PLPBP: variants seen among roughly 807,000 people sequenced by gnomAD.
The protein encoded by PLPBP is pyridoxal phosphate homeostasis protein.
Under a neutral mutation model 31.2 loss-of-function variants are expected in PLPBP, and 21 were observed. The ratio of observed to expected loss-of-function variants is 0.67; its 90% confidence interval spans 0.48 to 0.97. The LOEUF (loss-of-function observed/expected upper bound fraction) is 0.97. Ranked by LOEUF, PLPBP falls within the 50% of genes least tolerant of loss-of-function variation. PLPBP has a pLI of 0.00. For synonymous variants in PLPBP, 124 were observed against 135.6 expected (o/e 0.91, Z 0.59); for missense variants, 308 against 354.4 (o/e 0.87, Z 1.05).
intron 1 of PLPBP, among the ~76,000 whole-genome samples, chr8:37,765,093 A>C (rs1372169259): frequency 6.6e-6 from 1 of 152,070 alleles, no homozygotes; most frequent in Admixed American, 6.5e-5. Context: ...TTGCTTGATC[A>C]CTTGAACCCA....
At chr8:37,776,175 T>C (rs573380483) in intron 7 of PLPBP, among the ~76,000 whole-genome samples, 159 bp downstream of exon 7, 2 of 152,164 alleles carry the variant, frequency 1.3e-5, no homozygotes, top group Admixed American at 1.3e-4. Context: ...CCATTCCCCA[T>C]GCCCTTTCTT....
intron 4 of PLPBP, among the ~76,000 whole-genome samples, chr8:37,768,314 G>A (rs1458017410): frequency 6.6e-6 from 1 of 152,142 alleles, no homozygotes; most frequent in Non-Finnish European, 1.5e-5. Context: ...GTGTGAAGTA[G>A]TGTAACACAC....
intron 1 of PLPBP, among the ~76,000 whole-genome samples, chr8:37,764,960 C>T (rs1803582944): frequency 1.3e-5 from 2 of 152,144 alleles, no homozygotes; most frequent in African/African-American, 2.4e-5. Flanking sequence ...CACCTGAGGT[C>T]GGGAGTTCAA....
intron 3 of PLPBP, 71 bp downstream of exon 3, chr8:37,765,817 TGGTGGTTGAGTTGTACAGCAGTTTTAG>T: frequency 6.5e-7 from 1 of 1,548,082 alleles, no homozygotes; most frequent in Non-Finnish European, 8.8e-7. Context: ...AGACCCATCC[TGGTGGTTGAGTTGTACAGCAGTTTTAG>T]GGTGGTTGAC....
chr8:37,767,686 T>C (rs750404335), intron 4 of PLPBP, among the ~76,000 whole-genome samples: 1 of 152,188 alleles, frequency 6.6e-6, no homozygotes, highest in Non-Finnish European at 1.5e-5. Context: ...TCCCTTTTTC[T>C]TGGAATAAAT....
At chr8:37,770,668 C>A in intron 4 of PLPBP, among the ~76,000 whole-genome samples, 1 of 152,176 alleles carries the variant, frequency 6.6e-6, no homozygotes, top group East Asian at 1.9e-4. Flanking sequence ...ACCTCCATCT[C>A]CTGGGTTCAA....
At chr8:37,770,294 G>C (rs1222329322) in intron 4 of PLPBP, among the ~76,000 whole-genome samples, 1 of 152,148 alleles carries the variant, frequency 6.6e-6, no homozygotes, top group African/African-American at 2.4e-5. Context: ...TAGACCAATG[G>C]AACAGAATAG....
At chr8:37,775,859 C>A in intron 6 of PLPBP, 59 bp from the exon 7 acceptor site, 2 of 1,451,262 alleles carry the variant, frequency 1.4e-6, no homozygotes, top group Non-Finnish European at 1.9e-6. Context: ...CAGATTCAGA[C>A]ACTTTTGGGC....
intron 1 of PLPBP, among the ~76,000 whole-genome samples, chr8:37,763,404 G>A (rs1803536606): frequency 6.6e-6 from 1 of 152,220 alleles, no homozygotes; most frequent in South Asian, 2.1e-4. Context: ...TAAGCTGAAT[G>A]GTGTGGAATG....
intron 3 of PLPBP, 123 bp from the exon 4 acceptor site, chr8:37,766,157 A>G (rs978170087): frequency 2.7e-6 from 2 of 729,452 alleles, no homozygotes; most frequent in East Asian, 2.7e-5. Context: ...GAAGATTGTG[A>G]TAGTTTATTA....
chr8:37,778,031 A>T lies in PLPBP; in HGVS notation c.755A>T (p.Tyr252Phe). The T allele has an allele frequency of 6.2e-7, 1 of 1,613,886 alleles. No individual in the cohort carries two copies. The highest frequency in any genetic ancestry group is 2.2e-5 in the East Asian group (1 of 44,870). The change falls in exon 8 of 8, where the codon TAC becomes TTC. Residue 252 changes from tyrosine (Y) to phenylalanine (F), a missense_variant. By Grantham distance (22) the Tyr-to-Phe change is conservative. Coordinates refer to ENST00000328195, the MANE Select transcript of PLPBP (RefSeq NM_007198.4). Reference protein sequence around the residue: ...IGSTIFGERDYSKKPTPDKCA... With the variant: ...IGSTIFGERDFSKKPTPDKCA... ...AGCACGATTTTTGGAGAGCGGGATT[A>T]CTCAAAGAAACCCACCCCGGACAAG... is the stretch of plus-strand genomic sequence containing the variant.
At chr8:37,762,875 G>A in intron 1 of PLPBP, 117 bp downstream of exon 1, 1 of 1,255,216 alleles carries the variant, frequency 8.0e-7, no homozygotes, top group Non-Finnish European at 1.1e-6. Flanking sequence ...GGGACTGGTC[G>A]GCCGCCTAGG....
intron 4 of PLPBP, among the ~76,000 whole-genome samples, chr8:37,770,289 C>G (rs1203968187): frequency 6.6e-6 from 1 of 152,082 alleles, no homozygotes; most frequent in Non-Finnish European, 1.5e-5. Flanking sequence ...ACACATAGAC[C>G]AATGGAACAG....
chr8:37,776,791 G>T (rs1174678363), intron 7 of PLPBP, among the ~76,000 whole-genome samples: 2 of 151,952 alleles, frequency 1.3e-5, no homozygotes, highest in East Asian at 3.9e-4. Flanking sequence ...TTTGGAGACT[G>T]AGTCTCGCTC....
intron 4 of PLPBP, among the ~76,000 whole-genome samples, chr8:37,771,675 T>C (rs1011215741): frequency 5.3e-5 from 8 of 151,770 alleles, no homozygotes; most frequent in Non-Finnish European, 1.2e-4. Context: ...TAAAAAGCTC[T>C]TGCAGGCTGG....
chr8:37,773,236 C>T (rs1332597108), intron 5 of PLPBP, among the ~76,000 whole-genome samples: 4 of 151,782 alleles, frequency 2.6e-5, no homozygotes, highest in East Asian at 1.9e-4. Flanking sequence ...GGTGCGATCT[C>T]GGCTCACTGC....
intron 4 of PLPBP, among the ~76,000 whole-genome samples, chr8:37,768,392 G>C (rs1803688426): frequency 6.7e-6 from 1 of 150,346 alleles, no homozygotes; most frequent in Admixed American, 6.6e-5. Flanking sequence ...AAGAGTTATA[G>C]CTTATAAGTC....
intron 5 of PLPBP, among the ~76,000 whole-genome samples, chr8:37,773,803 G>A (rs569796749): frequency 6.6e-6 from 1 of 151,834 alleles, no homozygotes; most frequent in South Asian, 2.1e-4. Context: ...ACCCCCAAAG[G>A]TCACCATCAC....
intron 4 of PLPBP, among the ~76,000 whole-genome samples, chr8:37,766,929 C>T (rs1803645002): frequency 6.6e-6 from 1 of 151,466 alleles, no homozygotes; most frequent in Non-Finnish European, 1.5e-5. Flanking sequence ...CCTGTCAAGT[C>T]CCAGCTACAC....
Sources: gnomAD v4.1 joint callset for allele counts (sites outside exome capture counted in the v4.1 genomes callset) on GRCh38, gnomAD v4.1.1 for gene constraint, MANE v1.5 for transcripts, NCBI Gene and HGNC (gene_info 2026-07-23, HGNC 2026-07-21) for gene names.